TEAD1: variants seen among roughly 807,000 people sequenced by gnomAD.
TEAD1 encodes transcriptional enhancer factor TEF-1.
TEAD1 carries 9 observed loss-of-function variants against 54.9 expected under a neutral mutation model. The observed-to-expected ratio is 0.16, with a 90% CI of 0.10 to 0.29. TEAD1 has a LOEUF of 0.29. Ranked by LOEUF, TEAD1 falls within the 10% of genes least tolerant of loss-of-function variation. The pLI, the probability that TEAD1 is intolerant of heterozygous loss-of-function variation, is 1.00. For missense variants in TEAD1, 387 were observed against 535.9 expected (o/e 0.72, Z 2.74); for synonymous variants, 200 against 187.8 (o/e 1.07, Z -0.53).
chr11:12,691,198 C>T (rs573205438), intron 2 of TEAD1, among the ~76,000 whole-genome samples: 1 of 152,320 alleles, frequency 6.6e-6, no homozygotes, highest in Admixed American at 6.5e-5. Flanking sequence ...CAGTCCATTG[C>T]AGTTCCTCCT....
At chr11:12,896,851 T>C (rs1477708008) in intron 9 of TEAD1, among the ~76,000 whole-genome samples, 2 of 152,344 alleles carry the variant, frequency 1.3e-5, no homozygotes, top group African/African-American at 4.8e-5. Flanking sequence ...GGATTCCTGG[T>C]GTCTAGCACA....
chr11:12,788,236 A>C (rs1945721277), intron 3 of TEAD1, among the ~76,000 whole-genome samples: 1 of 151,154 alleles, frequency 6.6e-6, no homozygotes, highest in Non-Finnish European at 1.5e-5. Context: ...TCCTGGGTTC[A>C]AGCAATTCCC....
intron 3 of TEAD1, among the ~76,000 whole-genome samples, chr11:12,765,566 T>TC (rs1395997536): frequency 6.6e-6 from 1 of 152,148 alleles, no homozygotes; most frequent in Non-Finnish European, 1.5e-5. Context: ...GACTGTGGCT[T>TC]CAACTAGCAC....
At chr11:12,898,489 G>A (rs945657457) in intron 9 of TEAD1, among the ~76,000 whole-genome samples, 1 of 151,758 alleles carries the variant, frequency 6.6e-6, no homozygotes, top group Non-Finnish European at 1.5e-5. Context: ...CCGTCTCCTG[G>A]GTTCAAGCAA....
At chr11:12,688,824 T>C (rs774568000) in intron 2 of TEAD1, among the ~76,000 whole-genome samples, 9 of 152,204 alleles carry the variant, frequency 5.9e-5, no homozygotes, top group Non-Finnish European at 1.2e-4. Flanking sequence ...CCCCAACCCA[T>C]TGAGAAGTCT....
In TEAD1 at chr11:12,879,521, G is replaced by C. The variant is rs370755081; in HGVS notation, c.331-187G>C. The C allele has an allele frequency of 1.8e-4, 132 of 735,924 alleles. No individual in the cohort carries two copies. The African/African-American group carries it at 2.1e-3, about 12-fold the overall frequency. 45.6% of individuals were successfully genotyped at this position (735,924 alleles called of 1,614,324 possible). ...GCCCCATTGGGTCTTCCCAGTAAAT[G>C]TTGAGAGGTACGGTAGGTTGAGTGT... On this transcript the variant is annotated intron_variant, in intron 5 of 12. Transcript: ENST00000527636.
chr11:12,725,809 A>G (rs1277210614), intron 2 of TEAD1, among the ~76,000 whole-genome samples: 1 of 152,198 alleles, frequency 6.6e-6, no homozygotes, highest in Non-Finnish European at 1.5e-5. Context: ...TTGTACAGGA[A>G]GGCTAAGTGC....
chr11:12,895,460 C>T (rs1399244069), intron 9 of TEAD1, among the ~76,000 whole-genome samples: 4 of 152,204 alleles, frequency 2.6e-5, no homozygotes, highest in African/African-American at 7.2e-5. Context: ...AGACAAGCGT[C>T]CCAGCTCCTG....
intron 10 of TEAD1, among the ~76,000 whole-genome samples, chr11:12,913,129 A>T (rs1948646459): frequency 6.6e-6 from 1 of 152,150 alleles, no homozygotes; most frequent in Admixed American, 6.5e-5. Flanking sequence ...TGCAAGGCGT[A>T]GTTGGATTAA....
intron 3 of TEAD1, among the ~76,000 whole-genome samples, chr11:12,816,665 C>A (rs7938524): frequency 5.3e-5 from 8 of 152,056 alleles, no homozygotes; most frequent in Non-Finnish European, 1.2e-4. Context: ...ATACACAAGC[C>A]AGGTACAAGA....
Position 12,674,739 on chromosome 11 carries a change from C to G in TEAD1, c.-303C>G, listed in dbSNP as rs938634759. 6.6e-6 allele frequency: 1 copy of G among 150,968 alleles called. No homozygotes were observed. The highest frequency in any genetic ancestry group is 2.4e-5 in the African/African-American group (1 of 41,294). The allele number at this position is 150,968 out of a possible 1,614,324, so 9.4% of individuals were successfully genotyped here. On this transcript the variant is annotated 5_prime_UTR_variant, in exon 1 of 13. Transcript: ENST00000527636. ...GGTGGCCGGGCCCAGGGACCGGGAG[C>G]CGGGGAGGGAGCCGGGCACCGAGCA...
At chr11:12,808,204 A>T (rs898849432) in intron 3 of TEAD1, among the ~76,000 whole-genome samples, 2 of 151,858 alleles carry the variant, frequency 1.3e-5, no homozygotes, top group African/African-American at 4.8e-5. Context: ...TTCCTTGGGA[A>T]TAATCAAATA....
At chr11:12,862,365 G>A (rs569959301) in intron 4 of TEAD1, 51 bp downstream of exon 4, 8 of 1,566,484 alleles carry the variant, frequency 5.1e-6, no homozygotes, top group Admixed American at 1.7e-5. Flanking sequence ...GCCCAAAAAG[G>A]CATTTTGGCT....
At chr11:12,862,707 A>G (rs1947531486) in intron 4 of TEAD1, among the ~76,000 whole-genome samples, 1 of 152,228 alleles carries the variant, frequency 6.6e-6, no homozygotes, top group South Asian at 2.1e-4. Context: ...TGGAGCGATT[A>G]TATATTAGTC....
At chr11:12,889,983 A>G (rs1948166853) in intron 9 of TEAD1, among the ~76,000 whole-genome samples, 1 of 152,128 alleles carries the variant, frequency 6.6e-6, no homozygotes, top group South Asian at 2.1e-4. Context: ...CGGCCTCCCA[A>G]AGTGCTGGGA....
intron 2 of TEAD1, among the ~76,000 whole-genome samples, chr11:12,724,440 G>A (rs745331812): frequency 6.6e-6 from 1 of 152,234 alleles, no homozygotes; most frequent in Non-Finnish European, 1.5e-5. Flanking sequence ...CTGTGGAGGC[G>A]TATGCCAGCT....
chr11:12,769,554 A>G (rs1945275298), intron 3 of TEAD1, among the ~76,000 whole-genome samples: 1 of 152,088 alleles, frequency 6.6e-6, no homozygotes, highest in Non-Finnish European at 1.5e-5. Flanking sequence ...TTCTCATAAC[A>G]GCTCTTTGAG....
chr11:12,929,192 GTGTGTGTGTCTGC>G (rs973126500), intron 11 of TEAD1, among the ~76,000 whole-genome samples: 11 of 85,838 alleles, frequency 1.3e-4, no homozygotes, highest in Middle Eastern at 6.8e-3. Context: ...GTGTGTGTGT[GTGTGTGTGTCTGC>G]TTTAGGGTTA....
chr11:12,879,754 C>G lies in TEAD1; in HGVS notation c.377C>G (p.Ser126Cys), dbSNP rs755095010. Residue 126 changes from serine (S) to cysteine (C), a missense_variant, in exon 6 of 13, where the codon TCC (serine) becomes TGC (cysteine). Around this residue, in one of 5 missense-constraint regions of TEAD1, gnomAD observed 180 missense variants for 180.6 expected, o/e 1.00. Coordinates refer to ENST00000527636, the MANE Select transcript of TEAD1 (RefSeq NM_021961.6). ...GCCCTGCAGCACATGGCGGCCATGT[C>G]CTCAGCCCAGATCGTCTCGGCCACT... The G allele has an allele frequency of 1.2e-6, 2 of 1,614,202 alleles. No homozygotes were observed. Among genetic ancestry groups the G allele is most frequent in the Admixed American group, 3.3e-5 (2 of 60,022 alleles).
Sources: allele counts gnomAD v4.1 joint callset (sites outside exome capture counted in the v4.1 genomes callset), GRCh38; gene constraint gnomAD v4.1.1; regional missense constraint gnomAD v4.1.1; transcripts MANE v1.5; gene names NCBI Gene and HGNC (gene_info 2026-07-23, HGNC 2026-07-21).